Variants in RPS6KC1 observed in about 807,000 individuals in gnomAD.
The protein encoded by RPS6KC1 is inactive ribosomal protein S6 kinase delta-1.
Under a neutral mutation model 103.8 loss-of-function variants are expected in RPS6KC1, and 54 were observed. The observed-to-expected ratio is 0.52, with a 90% confidence interval of 0.42 to 0.65. The LOEUF (loss-of-function observed/expected upper bound fraction) is 0.65. Ranked by LOEUF, RPS6KC1 falls within the 30% of genes least tolerant of loss-of-function variation. RPS6KC1 has a pLI of 0.00. For synonymous variants in RPS6KC1, 439 were observed against 438.7 expected (o/e 1.00, Z -0.01); for missense variants, 1,151 against 1,253.8 (o/e 0.92, Z 1.24).
intron 6 of RPS6KC1, among the ~76,000 whole-genome samples, chr1:213,155,802 G>T (rs1377302280): frequency 1.3e-5 from 2 of 151,842 alleles, no homozygotes; most frequent in Non-Finnish European, 2.9e-5. Flanking sequence ...GTTCTTGTGG[G>T]CTTGGGGATG....
the RPS6KC1 span, among the ~76,000 whole-genome samples, chr1:213,718,259 C>T: frequency 6.6e-6 from 1 of 152,210 alleles, no homozygotes; most frequent in Non-Finnish European, 1.5e-5. Flanking sequence ...ACTGCTTTAG[C>T]CCCACAAAGC....
chr1:213,530,668 A>T, the RPS6KC1 span, among the ~76,000 whole-genome samples: 1 of 152,098 alleles, frequency 6.6e-6, no homozygotes, highest in Non-Finnish European at 1.5e-5. Context: ...GGTGGACCTG[A>T]CTCTTGAGGC....
the RPS6KC1 span, among the ~76,000 whole-genome samples, chr1:213,554,824 G>A: frequency 8.5e-5 from 13 of 152,106 alleles, no homozygotes; most frequent in Non-Finnish European, 1.6e-4. Flanking sequence ...ACATACTCTA[G>A]AGTCTATCTT....
intron 6 of RPS6KC1, among the ~76,000 whole-genome samples, chr1:213,165,346 T>C (rs2090864731): frequency 6.6e-6 from 1 of 152,186 alleles, no homozygotes; most frequent in Non-Finnish European, 1.5e-5. Flanking sequence ...TTCTCCTGCC[T>C]CAGCCTCATG....
intron 8 of RPS6KC1, among the ~76,000 whole-genome samples, chr1:213,200,464 C>T (rs1365758665): frequency 6.6e-6 from 1 of 152,158 alleles, no homozygotes. Context: ...TCCTTCCTTA[C>T]ACCATTTTCA....
At chr1:213,406,769 T>G in the RPS6KC1 span, among the ~76,000 whole-genome samples, 1 of 152,184 alleles carries the variant, frequency 6.6e-6, no homozygotes, top group African/African-American at 2.4e-5. Context: ...GACTTAGGAA[T>G]GATGATGAGG....
chr1:213,238,063 A>G (rs1261335428), intron 10 of RPS6KC1, among the ~76,000 whole-genome samples: 1 of 152,248 alleles, frequency 6.6e-6, no homozygotes. Context: ...CCTGTTTTAC[A>G]TGCTAGATAG....
chr1:213,071,130 A>G (rs1273701609), intron 2 of RPS6KC1, 89 bp downstream of exon 2: 3 of 752,330 alleles, frequency 4.0e-6, no homozygotes, highest in Middle Eastern at 3.8e-4. Flanking sequence ...TCATTTGTAC[A>G]TCAACCTCTT....
the RPS6KC1 span, among the ~76,000 whole-genome samples, chr1:213,383,569 T>C: frequency 6.6e-6 from 1 of 152,130 alleles, no homozygotes; most frequent in South Asian, 2.1e-4. Flanking sequence ...AATATTTGTG[T>C]CCCCCACCCC....
At chr1:213,080,061 C>T (rs2079727466) in intron 3 of RPS6KC1, among the ~76,000 whole-genome samples, 2 of 151,810 alleles carry the variant, frequency 1.3e-5, no homozygotes, top group South Asian at 4.2e-4. Flanking sequence ...GAATTACAGA[C>T]ACCTGCCACC....
At chr1:213,764,194 A>G in the RPS6KC1 span, among the ~76,000 whole-genome samples, 162 of 152,372 alleles carry the variant, frequency 1.1e-3, 2 homozygotes, top group Middle Eastern at 0.017. Flanking sequence ...GTTGACGGAA[A>G]CACGCAGAGA....
chr1:213,089,676 G>C (rs911157947), intron 3 of RPS6KC1, among the ~76,000 whole-genome samples: 8 of 152,016 alleles, frequency 5.3e-5, no homozygotes, highest in Non-Finnish European at 2.9e-5. Context: ...TGGCCAGGCT[G>C]GTCTCGAACT....
chr1:213,828,016 G>A, the RPS6KC1 span, among the ~76,000 whole-genome samples: 11 of 152,126 alleles, frequency 7.2e-5, no homozygotes, highest in South Asian at 2.3e-3. Context: ...TCTACCTGCT[G>A]TTTCTTCTAA....
the RPS6KC1 span, among the ~76,000 whole-genome samples, chr1:213,494,370 A>G: frequency 6.6e-6 from 1 of 152,114 alleles, no homozygotes; most frequent in African/African-American, 2.4e-5. Context: ...TGATGTTTTC[A>G]AAAAAGAACA....
chr1:213,268,735 T>G (rs1182676217), intron 14 of RPS6KC1, among the ~76,000 whole-genome samples: 2 of 151,394 alleles, frequency 1.3e-5, no homozygotes, highest in Admixed American at 1.3e-4. Flanking sequence ...AGTTTCTACC[T>G]TTTGCTAAAT....
At chr1:213,300,795 A>C in the RPS6KC1 span, among the ~76,000 whole-genome samples, 1 of 152,236 alleles carries the variant, frequency 6.6e-6, no homozygotes, top group African/African-American at 2.4e-5. Flanking sequence ...AGGCAGAGGC[A>C]GTTTAAATGT....
intron 6 of RPS6KC1, among the ~76,000 whole-genome samples, chr1:213,136,132 T>A (rs1054747659): frequency 6.6e-6 from 1 of 152,220 alleles, no homozygotes; most frequent in Non-Finnish European, 1.5e-5. Flanking sequence ...TCACACCCTG[T>A]ATTTGCTATC....
At position 213,222,049 on chromosome 1, in the gene RPS6KC1, C is replaced by G. The variant is rs529600971; in HGVS notation, c.1045-8448C>G. Among the ~76,000 whole-genome samples, 18 of 152,300 alleles carry G rather than the reference C, an allele frequency of 1.2e-4. 1 individual carries two copies. The highest frequency in any genetic ancestry group is 2.2e-4 in the Non-Finnish European group (15 of 68,016). ...GTTGGTGATTCTTGACTCTGCCGTT[C>G]TTAACTTTGTTAACTTTGCAGAAAT... On this transcript the variant is annotated intron_variant, in intron 8 of 14. Transcript: ENST00000366960.
At chr1:213,658,572 C>T in the RPS6KC1 span, among the ~76,000 whole-genome samples, 1 of 152,176 alleles carries the variant, frequency 6.6e-6, no homozygotes, top group Non-Finnish European at 1.5e-5. Flanking sequence ...CAAGACAGAT[C>T]TTCCTTGGTC....
Sources: gnomAD v4.1 joint callset for allele counts (sites outside exome capture counted in the v4.1 genomes callset) on GRCh38, gnomAD v4.1.1 for gene constraint, MANE v1.5 for transcripts, NCBI Gene and HGNC (gene_info 2026-07-23, HGNC 2026-07-21) for gene names.